Variants in UNC13C observed in about 807,000 individuals in gnomAD.
UNC13C encodes unc-13 homolog C.
A neutral mutation model predicts 245.4 loss-of-function variants in UNC13C; 174 were observed. The ratio of observed to expected loss-of-function variants is 0.71; its 90% CI spans 0.63 to 0.80. The LOEUF is 0.80. Among genes scored for constraint, UNC13C ranks in the 30% least tolerant of loss-of-function variants. The pLI, the probability that UNC13C is intolerant of heterozygous loss-of-function variation, is 0.00. For synonymous variants in UNC13C, 992 were observed against 895.1 expected, an observed-to-expected ratio of 1.11 and a Z score of -1.93; for missense variants, 2,829 against 2,602.9, an observed-to-expected ratio of 1.09 and a Z score of -1.89.
chr15:54,262,131 G>A, intron 8 of UNC13C, among the ~76,000 whole-genome samples: 1 of 152,060 alleles, frequency 6.6e-6, no homozygotes, highest in East Asian at 1.9e-4. Context: ...TTATATTCTA[G>A]CTTTGAATTT....
intron 4 of UNC13C, among the ~76,000 whole-genome samples, chr15:54,195,676 T>A (rs1045489641): frequency 5.3e-5 from 8 of 152,144 alleles, no homozygotes; most frequent in African/African-American, 1.9e-4. Flanking sequence ...CTCTTACAGA[T>A]CATCTCTCAT....
intron 14 of UNC13C, among the ~76,000 whole-genome samples, chr15:54,327,689 T>TG (rs1480567562): frequency 6.6e-6 from 1 of 151,916 alleles, no homozygotes; most frequent in Non-Finnish European, 1.5e-5. Flanking sequence ...AGGATGATAG[T>TG]GGGGAGGTTG....
chr15:53,961,938 C>T, the UNC13C span, among the ~76,000 whole-genome samples: 1 of 152,142 alleles, frequency 6.6e-6, no homozygotes, highest in African/African-American at 2.4e-5. Flanking sequence ...TTCACTTATT[C>T]TTCTTTCTTA....
chr15:53,990,550 C>T (rs1022801696), intron 1 of UNC13C, among the ~76,000 whole-genome samples: 6 of 151,988 alleles, frequency 3.9e-5, no homozygotes, highest in Non-Finnish European at 7.4e-5. Context: ...TTTTATTTTT[C>T]GGTAGTGATA....
chr15:54,300,874 CTA>C (rs1596174677), intron 13 of UNC13C, among the ~76,000 whole-genome samples: 1 of 152,138 alleles, frequency 6.6e-6, no homozygotes, highest in African/African-American at 2.4e-5. Context: ...AAATTTTAGA[CTA>C]TGTCTTTCCT....
chr15:54,491,620 G>T (rs1447249368), intron 19 of UNC13C, among the ~76,000 whole-genome samples: 1 of 151,772 alleles, frequency 6.6e-6, no homozygotes, highest in African/African-American at 2.4e-5. Context: ...CAAATATTTT[G>T]CATTTGGCTT....
the UNC13C span, among the ~76,000 whole-genome samples, chr15:53,931,719 C>A: frequency 1.3e-5 from 2 of 152,078 alleles, no homozygotes; most frequent in Non-Finnish European, 2.9e-5. Flanking sequence ...GACTCTGCGA[C>A]TCTTCTCTTA....
intron 17 of UNC13C, among the ~76,000 whole-genome samples, chr15:54,369,611 A>G (rs1260811615): frequency 1.3e-5 from 2 of 152,154 alleles, no homozygotes; most frequent in Non-Finnish European, 2.9e-5. Context: ...ACATAGCCTA[A>G]CTTTAGTTAT....
chr15:54,135,682 A>G (rs2031691425), intron 2 of UNC13C, among the ~76,000 whole-genome samples: 2 of 152,146 alleles, frequency 1.3e-5, no homozygotes, highest in South Asian at 4.1e-4. Context: ...TGCTGGTACC[A>G]TATTGTTTCA....
rs138807536 is a variant in UNC13C at position 54,283,848 on chromosome 15, A to G, written c.3819-10047A>G. Among the ~76,000 whole-genome samples the G allele has an allele frequency of 2.4e-4, 36 of 152,238 alleles. No homozygotes were observed. In the East Asian group the frequency reaches 6.8e-3, roughly 29 times the overall value. ...CTTTCCCGAAGTCGTATTGCTAGTG[A>G]GTGGCTCCAATGGAATTTGAACTAG... is the stretch of plus-strand genomic sequence containing the variant. On this transcript the variant is annotated intron_variant, in intron 10 of 32. Transcript: ENST00000260323.
intron 19 of UNC13C, among the ~76,000 whole-genome samples, chr15:54,470,013 A>G (rs1249714859): frequency 6.6e-6 from 1 of 151,616 alleles, no homozygotes; most frequent in African/African-American, 2.4e-5. Flanking sequence ...CTCTTTTAAG[A>G]TGCTCATATG....
intron 17 of UNC13C, among the ~76,000 whole-genome samples, chr15:54,387,011 A>G (rs531149606): frequency 9.1e-4 from 138 of 152,314 alleles, no homozygotes; most frequent in African/African-American, 3.2e-3. Context: ...ATTGCTCTTC[A>G]CAAGGATCCT....
intron 19 of UNC13C, among the ~76,000 whole-genome samples, chr15:54,418,555 C>T (rs905986492): frequency 2.0e-5 from 3 of 151,990 alleles, no homozygotes; most frequent in Non-Finnish European, 4.4e-5. Context: ...TTAGGGCTTT[C>T]GAAGAGATTA....
intron 16 of UNC13C, among the ~76,000 whole-genome samples, chr15:54,334,264 C>A (rs544124237): frequency 1.3e-5 from 2 of 152,252 alleles, no homozygotes; most frequent in South Asian, 4.1e-4. Flanking sequence ...ATTGTGGCAA[C>A]TTCCATTTTC....
At chr15:53,989,800 T>G (rs1350267995) in intron 1 of UNC13C, among the ~76,000 whole-genome samples, 1 of 152,050 alleles carries the variant, frequency 6.6e-6, no homozygotes, top group Non-Finnish European at 1.5e-5. Context: ...GCAGCCAGCA[T>G]GGCTACTCTG....
At chr15:53,860,846 C>T in the UNC13C span, among the ~76,000 whole-genome samples, 16 of 152,124 alleles carry the variant, frequency 1.1e-4, no homozygotes, top group African/African-American at 3.9e-4. Context: ...GGACAATGTG[C>T]TATTATTGAT....
In UNC13C at chr15:54,013,647, G is replaced by A. The variant is rs751135188; in HGVS notation, c.744G>A (p.Lys248=). 3.7e-6 allele frequency: 6 copies of A among 1,613,778 alleles called. No individual in the cohort carries two copies. In the South Asian group the frequency reaches 6.6e-5, roughly 18 times the overall value. The change falls in exon 2 of 33, where the codon AAG becomes AAA. Residue 248 remains lysine, a synonymous_variant. Transcript: ENST00000260323. ...QTHDVMEMIF[K]ELQGISQIET... ...ATGATGTCATGGAAATGATCTTTAA[G>A]GAACTTCAGGGAATAAGTCAGATTG...
chr15:54,456,632 TTATA>T (rs1349982992), intron 19 of UNC13C, among the ~76,000 whole-genome samples: 5 of 140,272 alleles, frequency 3.6e-5, no homozygotes, highest in African/African-American at 1.0e-4. Flanking sequence ...ATTTATTTAT[TTATA>T]GTTGTTGCAA....
Position 54,627,163 on chromosome 15 carries a change from T to A in UNC13C, c.*50T>A. On this transcript the variant is annotated 3_prime_UTR_variant, in exon 33 of 33. Transcript: ENST00000260323. Reference sequence around the variant, plus strand: ...TAACTATAATTGTTTGACTACTGCATGCATGTGCAAATACATGGGAATGTT... The same window carrying A: ...TAACTATAATTGTTTGACTACTGCAAGCATGTGCAAATACATGGGAATGTT... 6.6e-7 allele frequency: 1 copy of A among 1,519,092 alleles called. No individual in the cohort carries two copies. The highest frequency in any genetic ancestry group is 8.9e-7 in the Non-Finnish European group (1 of 1,125,558). The allele number at this position is 1,519,092 out of a possible 1,614,324, so 94.1% of individuals were successfully genotyped here.
Sources: gnomAD v4.1 joint callset for allele counts (sites outside exome capture counted in the v4.1 genomes callset) on GRCh38, gnomAD v4.1.1 for gene constraint, MANE v1.5 for transcripts, NCBI Gene and HGNC (gene_info 2026-07-23, HGNC 2026-07-21) for gene names.